The following UBE2E2 variants were observed in gnomAD, a reference collection of about 807,000 sequenced individuals.
The protein encoded by UBE2E2 is ubiquitin conjugating enzyme E2 E2, also known as ubiquitin-conjugating enzyme E2 E2.
UBE2E2 carries 6 observed loss-of-function variants against 24.7 expected under a neutral mutation model. The ratio of observed to expected loss-of-function variants is 0.24; its 90% confidence interval spans 0.13 to 0.48. The LOEUF is 0.48. Ranked by LOEUF, UBE2E2 falls within the 20% of genes least tolerant of loss-of-function variation. The pLI is 0.99. For synonymous variants in UBE2E2, 104 were observed against 83.6 expected, an observed-to-expected ratio of 1.24 and a Z score of -1.33; for missense variants, 169 against 245.0, an observed-to-expected ratio of 0.69 and a Z score of 2.07.
At chr3:23,527,817 C>A (rs541328577) in intron 4 of UBE2E2, among the ~76,000 whole-genome samples, 22 of 152,184 alleles carry the variant, frequency 1.4e-4, no homozygotes, top group African/African-American at 5.3e-4. Flanking sequence ...TATACCACCC[C>A]CACCACCCCA....
At chr3:23,260,214 C>A (rs1391386342) in intron 3 of UBE2E2, among the ~76,000 whole-genome samples, 1 of 152,078 alleles carries the variant, frequency 6.6e-6, no homozygotes, top group Non-Finnish European at 1.5e-5. Context: ...ATATATTATG[C>A]AATTTAAAAA....
intron 3 of UBE2E2, among the ~76,000 whole-genome samples, chr3:23,366,534 C>T (rs1051815909): frequency 2.0e-5 from 3 of 152,148 alleles, no homozygotes; most frequent in African/African-American, 7.2e-5. Flanking sequence ...CATGATGCCC[C>T]ATGTTCTCTC....
chr3:23,290,983 C>A (rs2032934781), intron 3 of UBE2E2, among the ~76,000 whole-genome samples: 1 of 148,700 alleles, frequency 6.7e-6, no homozygotes, highest in African/African-American at 2.5e-5. Flanking sequence ...GTGGGAAGAT[C>A]GCTTGAGCCT....
At chr3:23,557,576 C>T (rs1467907431) in intron 5 of UBE2E2, among the ~76,000 whole-genome samples, 5 of 152,094 alleles carry the variant, frequency 3.3e-5, no homozygotes, top group African/African-American at 1.2e-4. Flanking sequence ...ACTGGAGTAC[C>T]CAGAGAAAAC....
intron 3 of UBE2E2, among the ~76,000 whole-genome samples, chr3:23,352,518 G>T (rs1276271305): frequency 4.0e-5 from 6 of 151,370 alleles, no homozygotes; most frequent in African/African-American, 7.3e-5. Context: ...GAGAGAAGAA[G>T]CAAATAGATG....
At chr3:23,343,940 T>C (rs1343574065) in intron 3 of UBE2E2, among the ~76,000 whole-genome samples, 4 of 152,270 alleles carry the variant, frequency 2.6e-5, no homozygotes, top group Non-Finnish European at 5.9e-5. Flanking sequence ...CATAATTCAT[T>C]CTATGTTTAT....
At chr3:23,361,768 T>G (rs914972176) in intron 3 of UBE2E2, among the ~76,000 whole-genome samples, 1 of 152,134 alleles carries the variant, frequency 6.6e-6, no homozygotes, top group African/African-American at 2.4e-5. Context: ...ACTAAGGAAC[T>G]TATCCATGTA....
At chr3:23,408,345 AATTT>A (rs1277344316) in intron 3 of UBE2E2, among the ~76,000 whole-genome samples, 9 of 152,094 alleles carry the variant, frequency 5.9e-5, no homozygotes, top group Non-Finnish European at 1.2e-4. Flanking sequence ...TGGGTTTGAT[AATTT>A]ATTTGTTTAA....
Position 23,389,879 on chromosome 3 carries a change from C to T in UBE2E2, c.228-109729C>T, listed in dbSNP as rs1236817630. On this transcript the variant is annotated intron_variant, in intron 3 of 5. Transcript: ENST00000396703. ...GCCTCAGTTGCAGTTCCCAGTTCAA[C>T]ACCTGCAGGTGCCTGAACAGCTGCT... 2.5e-5 allele frequency: 4 copies of T among 159,418 alleles called. No individual in the cohort carries two copies. In the East Asian group the frequency reaches 6.6e-4, roughly 26 times the overall value. The allele number at this position is 159,418 out of a possible 1,614,324, so 9.9% of individuals were successfully genotyped here. A position where few individuals can be genotyped will look rare whatever the true frequency, so the allele number is the denominator to read the frequency against.
Position 23,547,391 on chromosome 3 carries a change from C to A in UBE2E2, c.508+14690C>A, listed in dbSNP as rs1427043099. ...AGATTATTAAGTAGCTGACTATGGT[C>A]TGTATACTTCTCTTAGTTCTTCACC... On this transcript the variant is annotated intron_variant, in intron 5 of 5. Transcript: ENST00000396703. Among the ~76,000 whole-genome samples, 4 of 152,180 alleles carry A rather than the reference C, an allele frequency of 2.6e-5. 1 individual carries two copies. The highest frequency in any genetic ancestry group is 2.6e-4 in the Admixed American group (4 of 15,264).
chr3:23,269,671 G>A (rs1698178076), intron 3 of UBE2E2, among the ~76,000 whole-genome samples: 2 of 152,200 alleles, frequency 1.3e-5, no homozygotes, highest in South Asian at 4.1e-4. Context: ...TTAGTAGATA[G>A]TTGAGTTGGA....
intron 4 of UBE2E2, among the ~76,000 whole-genome samples, chr3:23,531,146 T>C (rs1402762683): frequency 1.3e-5 from 2 of 152,206 alleles, no homozygotes; most frequent in Non-Finnish European, 2.9e-5. Flanking sequence ...CATAAGTCTC[T>C]AGATTTGCCC....
intron 3 of UBE2E2, among the ~76,000 whole-genome samples, chr3:23,392,256 A>G (rs1696956637): frequency 6.6e-6 from 1 of 152,178 alleles, no homozygotes; most frequent in Non-Finnish European, 1.5e-5. Context: ...CACTCAACCA[A>G]TTTGTTTACT....
At chr3:23,506,795 G>A (rs1473188028) in intron 4 of UBE2E2, among the ~76,000 whole-genome samples, 1 of 152,034 alleles carries the variant, frequency 6.6e-6, no homozygotes, top group African/African-American at 2.4e-5. Flanking sequence ...CACCATGCCC[G>A]GCTAATTTTG....
At chr3:23,436,355 A>T (rs1435080858) in intron 3 of UBE2E2, among the ~76,000 whole-genome samples, 1 of 152,134 alleles carries the variant, frequency 6.6e-6, no homozygotes, top group African/African-American at 2.4e-5. Context: ...TTCTTGCCAG[A>T]ATGACATGTT....
chr3:23,389,627 T>C, intron 3 of UBE2E2: 1 of 264,762 alleles, frequency 3.8e-6, no homozygotes. Context: ...CCTGGGGGGC[T>C]TTTGTCTTAT....
chr3:23,412,248 T>C (rs769726030), intron 3 of UBE2E2, among the ~76,000 whole-genome samples: 9 of 152,222 alleles, frequency 5.9e-5, no homozygotes, highest in Non-Finnish European at 1.3e-4. Context: ...TCATTTTCAC[T>C]GTCTTAAAAC....
intron 3 of UBE2E2, among the ~76,000 whole-genome samples, chr3:23,476,263 T>C (rs1699136160): frequency 6.6e-6 from 1 of 152,108 alleles, no homozygotes; most frequent in African/African-American, 2.4e-5. Context: ...AGAATTGGTG[T>C]TTTGAAAACT....
intron 3 of UBE2E2, among the ~76,000 whole-genome samples, chr3:23,384,696 G>T (rs995498115): frequency 6.6e-6 from 1 of 151,270 alleles, no homozygotes; most frequent in Non-Finnish European, 1.5e-5. Context: ...GCACATGCCA[G>T]CACGCCTGGC....
Sources: gnomAD v4.1 joint callset for allele counts (sites outside exome capture counted in the v4.1 genomes callset) on GRCh38, gnomAD v4.1.1 for gene constraint, MANE v1.5 for transcripts, NCBI Gene and HGNC (gene_info 2026-07-23, HGNC 2026-07-21) for gene names.